SYN2: variants seen among roughly 807,000 people sequenced by gnomAD.
SYN2 encodes synapsin-2.
In SYN2, 19 loss-of-function variants were observed where a neutral mutation model predicts 50.9. The ratio of observed to expected loss-of-function variants is 0.37; its 90% CI spans 0.26 to 0.55. The LOEUF is 0.55. SYN2 is among the 20% of genes least tolerant of loss of function. The pLI, the probability that SYN2 is intolerant of heterozygous loss-of-function variation, is 0.81. For synonymous variants in SYN2, 255 were observed against 224.9 expected, an observed-to-expected ratio of 1.13 and a Z score of -1.20; for missense variants, 587 against 576.4, an observed-to-expected ratio of 1.02 and a Z score of -0.19.
chr3:12,190,968 G>A lies in SYN2; in HGVS notation c.*343G>A, dbSNP rs535777054. Reference sequence around the variant, plus strand: ...CTTCCCTGTGAAACCAGGATTAATCGTGGACTCCTGGCAGCTTAACCTAGC... The same window carrying A: ...CTTCCCTGTGAAACCAGGATTAATCATGGACTCCTGGCAGCTTAACCTAGC... On this transcript the variant is annotated 3_prime_UTR_variant, in exon 13 of 13. Coordinates refer to ENST00000621198, the MANE Select transcript of SYN2 (RefSeq NM_133625.6). 1.4e-4 allele frequency: 142 copies of A among 1,041,452 alleles called. No homozygotes were observed. The highest frequency in any genetic ancestry group is 1.2e-3 in the African/African-American group (68 of 58,286). The allele number at this position is 1,041,452 out of a possible 1,614,324, so 64.5% of individuals were successfully genotyped here. A position where few individuals can be genotyped will look rare whatever the true frequency, so the allele number is the denominator to read the frequency against.
At chr3:12,164,984 C>CTTTTTTTTTTTTTTTTTT (rs68043865) in intron 7 of SYN2, among the ~76,000 whole-genome samples, 1 of 92,342 alleles carries the variant, frequency 1.1e-5, no homozygotes, top group South Asian at 4.0e-4. Flanking sequence ...TTTTTCTTTT[C>CTTTTTTTTTTTTTTTTTT]TTTTTTTTTT....
At chr3:12,085,384 C>T (rs1355504178) in intron 1 of SYN2, among the ~76,000 whole-genome samples, 1 of 138,722 alleles carries the variant, frequency 7.2e-6, no homozygotes, top group African/African-American at 2.5e-5. Context: ...CACACACGCA[C>T]GCACGCACGC....
At chr3:12,120,941 A>C (rs1481864) in intron 1 of SYN2, among the ~76,000 whole-genome samples, 12,409 of 152,034 alleles carry the variant, frequency 0.082, 620 homozygotes, top group African/African-American at 0.13. Flanking sequence ...TGAATTTCCA[A>C]CCTTGCGCAA....
chr3:12,150,650 TC>T (rs1461602637), intron 4 of SYN2, among the ~76,000 whole-genome samples: 2 of 152,190 alleles, frequency 1.3e-5, no homozygotes, highest in Admixed American at 6.5e-5. Flanking sequence ...AGGTAGTAAG[TC>T]CCAGAAAGAC....
chr3:12,108,907 T>C (rs745323381), intron 1 of SYN2, among the ~76,000 whole-genome samples: 1 of 151,666 alleles, frequency 6.6e-6, no homozygotes, highest in Non-Finnish European at 1.5e-5. Context: ...AGGAAATAGA[T>C]GAAAAACTCA....
At chr3:12,139,356 C>T (rs1397658671) in intron 1 of SYN2, among the ~76,000 whole-genome samples, 5 of 152,118 alleles carry the variant, frequency 3.3e-5, no homozygotes, top group Admixed American at 6.6e-5. Context: ...AAATGCAATG[C>T]GGCACACACA....
intron 5 of SYN2, chr3:12,157,535 C>A (rs922135939): frequency 5.2e-5 from 81 of 1,553,538 alleles, no homozygotes; most frequent in Non-Finnish European, 6.4e-5. Flanking sequence ...GGGCAATACA[C>A]CTGAGGTCTG....
At chr3:12,161,945 T>C in intron 6 of SYN2, 67 bp from the exon 7 acceptor site, 4 of 1,591,408 alleles carry the variant, frequency 2.5e-6, no homozygotes, top group Non-Finnish European at 3.4e-6. Context: ...CTCAGGGCCC[T>C]TGTGACTTCT....
chr3:12,050,312 G>C (rs1034876464), intron 1 of SYN2, among the ~76,000 whole-genome samples: 3 of 148,540 alleles, frequency 2.0e-5, no homozygotes, highest in Admixed American at 1.3e-4. Context: ...TTGATTCTTT[G>C]ACCCAGGAAT....
At chr3:12,086,606 G>T (rs916975851) in intron 1 of SYN2, among the ~76,000 whole-genome samples, 1 of 151,854 alleles carries the variant, frequency 6.6e-6, no homozygotes, top group African/African-American at 2.4e-5. Context: ...ACAAAATGAG[G>T]GACAAAACCC....
chr3:12,057,691 A>G (rs1375061697), intron 1 of SYN2, among the ~76,000 whole-genome samples: 2 of 152,160 alleles, frequency 1.3e-5, no homozygotes, highest in African/African-American at 2.4e-5. Flanking sequence ...CTCTTAATTT[A>G]TGGATAACTG....
chr3:12,063,666 G>T (rs552909008), intron 1 of SYN2, among the ~76,000 whole-genome samples: 2 of 151,922 alleles, frequency 1.3e-5, no homozygotes, highest in Non-Finnish European at 2.9e-5. Flanking sequence ...AATATTTATG[G>T]ATATTTTTAA....
Position 12,004,437 on chromosome 3 carries a change from C to A in SYN2, c.-115C>A. The A allele has an allele frequency of 3.4e-6, 1 of 292,808 alleles. No individual in the cohort carries two copies. The highest frequency in any genetic ancestry group is 6.2e-5 in the East Asian group (1 of 16,216). The allele number at this position is 292,808 out of a possible 1,614,324, so 18.1% of individuals were successfully genotyped here. A position where few individuals can be genotyped will look rare whatever the true frequency, so the allele number is the denominator to read the frequency against. ...TCTGGTGCCGGGGCCTGAGTCTCTG[C>A]TGGCTAAGCCGCCGCCTCAGCCGCC... On this transcript the variant is annotated 5_prime_UTR_variant, in exon 1 of 13. The change creates a new upstream start codon in the 5' untranslated region. Transcript: ENST00000621198.
chr3:12,183,613 G>C, intron 11 of SYN2: 1 of 1,452,352 alleles, frequency 6.9e-7, no homozygotes, highest in Admixed American at 3.0e-5. Context: ...TTGTTTACCT[G>C]TTCCTGTTCG....
intron 5 of SYN2, among the ~76,000 whole-genome samples, chr3:12,154,121 C>T (rs924005332): frequency 9.2e-5 from 14 of 152,186 alleles, no homozygotes; most frequent in African/African-American, 2.4e-4. Flanking sequence ...ACAGTTATCT[C>T]AGTCTGCCTC....
intron 10 of SYN2, among the ~76,000 whole-genome samples, chr3:12,181,216 C>A (rs1698212755): frequency 6.6e-6 from 1 of 152,240 alleles, no homozygotes; most frequent in South Asian, 2.1e-4. Flanking sequence ...AATACCAATT[C>A]TCTGGGAGGA....
chr3:12,106,498 A>G (rs1193259019), intron 1 of SYN2, among the ~76,000 whole-genome samples: 2 of 152,152 alleles, frequency 1.3e-5, no homozygotes, highest in Non-Finnish European at 2.9e-5. Context: ...CATTTACTGG[A>G]TCCTAAGAGT....
At chr3:12,184,881 T>A in intron 11 of SYN2, 1 of 985,660 alleles carries the variant, frequency 1.0e-6, no homozygotes, top group Non-Finnish European at 1.2e-6. Flanking sequence ...CAGCTTGCCT[T>A]TGAGAAGAAA....
At chr3:12,155,293 A>G (rs1697422394) in intron 5 of SYN2, among the ~76,000 whole-genome samples, 1 of 152,244 alleles carries the variant, frequency 6.6e-6, no homozygotes, top group African/African-American at 2.4e-5. Flanking sequence ...GAAAAATTAC[A>G]CTATTGTGTG....
Sources: gnomAD v4.1 joint callset for allele counts (sites outside exome capture counted in the v4.1 genomes callset) on GRCh38, gnomAD v4.1.1 for gene constraint, MANE v1.5 for transcripts, NCBI Gene and HGNC (gene_info 2026-07-23, HGNC 2026-07-21) for gene names.